Variants in SPATA31G1 observed in about 807,000 individuals in gnomAD.
SPATA31G1 encodes spermatogenesis-associated protein 31G1.
chr9:35,042,416 G>A, the SPATA31G1 span: 7 of 1,614,242 alleles, frequency 4.3e-6, no homozygotes, highest in Non-Finnish European at 5.9e-6. Context: ...GGCAGATTCA[G>A]AGATGGTGGC....
the SPATA31G1 span, chr9:35,043,104 CAGCCCGTG>C: frequency 1.2e-6 from 2 of 1,614,230 alleles, no homozygotes; most frequent in Non-Finnish European, 1.7e-6. Context: ...AACAGTCATG[CAGCCCGTG>C]AGCCCTTCCA....
the SPATA31G1 span, chr9:35,043,430 C>T: frequency 1.9e-6 from 3 of 1,614,132 alleles, no homozygotes; most frequent in East Asian, 2.2e-5. Flanking sequence ...AAGGGATGGC[C>T]CCCGATCCTC....
the SPATA31G1 span, chr9:35,044,173 C>A: frequency 2.5e-6 from 4 of 1,614,170 alleles, no homozygotes; most frequent in South Asian, 4.4e-5. Context: ...TCCCCAGACC[C>A]TGTTCATAGC....
the SPATA31G1 span, chr9:35,043,889 A>G: frequency 6.2e-7 from 1 of 1,614,172 alleles, no homozygotes; most frequent in South Asian, 1.1e-5. Flanking sequence ...GAGAAAACTC[A>G]GGAAACCTCT....
chr9:35,043,475 A>ATCAC, the SPATA31G1 span: 3 of 1,613,940 alleles, frequency 1.9e-6, no homozygotes, highest in Non-Finnish European at 2.5e-6. Context: ...CTTCTGTCTC[A>ATCAC]TCACTACTCC....
chr9:35,043,565 C>G, the SPATA31G1 span: 5 of 1,614,176 alleles, frequency 3.1e-6, no homozygotes, highest in Non-Finnish European at 3.4e-6. Context: ...CTGGAACTAG[C>G]CCCCTGGAAG....
At chr9:35,045,969 C>T in the SPATA31G1 span, 1 of 1,373,926 alleles carries the variant, frequency 7.3e-7, no homozygotes, top group Non-Finnish European at 9.8e-7. Context: ...TTCTAATAAA[C>T]TAGCTGAATT....
chr9:35,044,766 G>C, the SPATA31G1 span: 1 of 1,613,932 alleles, frequency 6.2e-7, no homozygotes, highest in Non-Finnish European at 8.5e-7. Flanking sequence ...GCAACAAAGA[G>C]AAGTTCCCCA....
the SPATA31G1 span, chr9:35,044,898 G>T: frequency 6.2e-7 from 1 of 1,614,100 alleles, no homozygotes; most frequent in South Asian, 1.1e-5. Flanking sequence ...GTGCCCAGGG[G>T]TTAAGGCAGA....
the SPATA31G1 span, chr9:35,043,084 T>C: frequency 6.2e-7 from 1 of 1,614,190 alleles, no homozygotes; most frequent in Non-Finnish European, 8.5e-7. Context: ...GCTATAGGGA[T>C]ACCAGAGCAA....
the SPATA31G1 span, chr9:35,042,334 C>G: frequency 6.2e-7 from 1 of 1,614,230 alleles, no homozygotes; most frequent in Non-Finnish European, 8.5e-7. Context: ...CATGCCCTAG[C>G]CTGCAGACAC....
the SPATA31G1 span, chr9:35,043,342 G>A: frequency 3.1e-6 from 5 of 1,614,088 alleles, no homozygotes; most frequent in Non-Finnish European, 4.2e-6. Context: ...TTCCTACCTA[G>A]GTCCAACCTG....
the SPATA31G1 span, chr9:35,042,755 G>A: frequency 1.4e-6 from 2 of 1,441,350 alleles, no homozygotes; most frequent in African/African-American, 2.8e-5. Flanking sequence ...GTGGGATTAG[G>A]TGAGTAACTG....
At chr9:35,045,050 A>G in the SPATA31G1 span, 23 of 1,614,070 alleles carry the variant, frequency 1.4e-5, no homozygotes, top group Non-Finnish European at 1.9e-5. Flanking sequence ...GCCCAAGTCA[A>G]TCATTTTGCA....
the SPATA31G1 span, chr9:35,045,883 A>G: frequency 1.3e-6 from 2 of 1,579,824 alleles, no homozygotes; most frequent in East Asian, 4.5e-5. Flanking sequence ...AAAGGCTGGT[A>G]ATACTAGCAC....
At chr9:35,043,948 C>A in the SPATA31G1 span, 30 of 1,613,532 alleles carry the variant, frequency 1.9e-5, no homozygotes, top group Non-Finnish European at 2.5e-5. Flanking sequence ...CTCTCTGGAA[C>A]CAGCCCTGAA....
chr9:35,043,541 AC>A, the SPATA31G1 span: 3 of 1,614,036 alleles, frequency 1.9e-6, no homozygotes, highest in South Asian at 3.3e-5. Flanking sequence ...GCGCTGAGGC[AC>A]CCACACAGTC....
At chr9:35,042,757 G>A in the SPATA31G1 span, 5 of 1,451,902 alleles carry the variant, frequency 3.4e-6, no homozygotes, top group Non-Finnish European at 4.7e-6. Flanking sequence ...GGGATTAGGT[G>A]AGTAACTGTC....
the SPATA31G1 span, chr9:35,045,112 G>C: frequency 3.7e-6 from 6 of 1,614,098 alleles, no homozygotes; most frequent in Non-Finnish European, 5.1e-6. Flanking sequence ...CTCCCTTCCT[G>C]CCCACCACAG....
Sources: allele counts gnomAD v4.1 joint callset, GRCh38; gene constraint gnomAD v4.1.1; transcripts MANE v1.5; gene names NCBI Gene and HGNC (gene_info 2026-07-23, HGNC 2026-07-21).